PDPR: variants seen among roughly 807,000 people sequenced by gnomAD.
PDPR encodes the protein pyruvate dehydrogenase phosphatase regulatory subunit, mitochondrial.
PDPR carries 50 observed loss-of-function variants against 102.2 expected under a neutral mutation model. The observed-to-expected ratio is 0.49, with a 90% confidence interval of 0.39 to 0.62. The LOEUF is 0.62. Among genes scored for constraint, PDPR ranks in the 20% least tolerant of loss-of-function variants. PDPR has a pLI of 0.00. For synonymous variants in PDPR, 259 were observed against 406.0 expected (o/e 0.64, Z 4.35); for missense variants, 625 against 1,098.2 (o/e 0.57, Z 6.09).
intron 9 of PDPR, among the ~76,000 whole-genome samples, chr16:70,134,791 A>AT (rs961950989): frequency 1.5e-4 from 22 of 147,022 alleles, no homozygotes; most frequent in African/African-American, 5.4e-4. Context: ...ATCTCAAAAA[A>AT]AAAAAAAATA....
rs1474567673 is a variant in PDPR at position 70,157,237 on chromosome 16, G to C, written c.*358G>C. 3.8e-6 allele frequency: 2 copies of C among 521,684 alleles called. No homozygotes were observed. Among genetic ancestry groups the C allele is most frequent in the Non-Finnish European group, 7.4e-6 (2 of 271,612 alleles). The allele number at this position is 521,684 out of a possible 1,614,324, so 32.3% of individuals were successfully genotyped here. A position where few individuals can be genotyped will look rare whatever the true frequency, so the allele number is the denominator to read the frequency against. The stretch of plus-strand genomic sequence containing the variant: ...TGCATCTCAAGGCAGGGCAAGCCGG[G>C]GTGGTGCAGGTCTCAGGGCACGAGT... On this transcript the variant is annotated 3_prime_UTR_variant, in exon 19 of 19. Transcript: ENST00000288050.
At chr16:70,127,716 A>G (rs1330883332) in intron 4 of PDPR, among the ~76,000 whole-genome samples, 1 of 152,286 alleles carries the variant, frequency 6.6e-6, no homozygotes, top group African/African-American at 2.4e-5. Context: ...CATAAGAATT[A>G]AGAGTCATTG....
Position 70,130,476 on chromosome 16 carries a change from C to G in PDPR, c.661C>G (p.Gln221Glu), listed in dbSNP as rs772784234. ...SVLHVMVKKGQVTGVETDKGQ... is the reference protein window; with the variant it reads ...SVLHVMVKKGEVTGVETDKGQ... ...TCTTCATGTAATGGTCAAAAAAGGT[C>G]AAGTTACTGGAGTGGAGACCGATAA... is the stretch of plus-strand genomic sequence containing the variant. The change falls in exon 7 of 19, where the codon CAA (glutamine) becomes GAA (glutamate). Residue 221 changes from glutamine (Q) to glutamate (E), a missense_variant. Physicochemically the swap from Gln to Glu is conservative, Grantham distance 29. Coordinates refer to ENST00000288050, the MANE Select transcript of PDPR (RefSeq NM_017990.5). 1 of 1,613,802 alleles carries G rather than the reference C, an allele frequency of 6.2e-7. No homozygotes were observed. Among genetic ancestry groups the G allele is most frequent in the Non-Finnish European group, 8.5e-7 (1 of 1,179,732 alleles).
intron 3 of PDPR, among the ~76,000 whole-genome samples, chr16:70,124,109 T>C (rs1158452491): frequency 6.6e-6 from 1 of 151,662 alleles, no homozygotes; most frequent in Admixed American, 6.6e-5. Context: ...ATGCCTGTTA[T>C]CCCACGACTT....
At chr16:70,126,796 G>T (rs1190261503) in intron 3 of PDPR, among the ~76,000 whole-genome samples, 1 of 152,260 alleles carries the variant, frequency 6.6e-6, no homozygotes, top group Non-Finnish European at 1.5e-5. Context: ...AAAGTGCTGG[G>T]ATTACAGGCA....
At chr16:70,125,219 A>AT (rs1963799453) in intron 3 of PDPR, among the ~76,000 whole-genome samples, 1 of 152,244 alleles carries the variant, frequency 6.6e-6, no homozygotes, top group Admixed American at 6.5e-5. Context: ...TCTACTAAAA[A>AT]TACAAATTTA....
chr16:70,115,129 T>G (rs1962507890), intron 2 of PDPR, among the ~76,000 whole-genome samples, 199 bp downstream of exon 2: 1 of 152,016 alleles, frequency 6.6e-6, no homozygotes, highest in Non-Finnish European at 1.5e-5. Flanking sequence ...TTTTCTTTTT[T>G]TTTCTTTTTT....
At chr16:70,154,705 C>T (rs975989088) in intron 18 of PDPR, among the ~76,000 whole-genome samples, 4 of 152,212 alleles carry the variant, frequency 2.6e-5, no homozygotes, top group Non-Finnish European at 4.4e-5. Context: ...TGCAGTGGCG[C>T]GATGTTGGCT....
chr16:70,117,233 T>G (rs2869113), intron 2 of PDPR, among the ~76,000 whole-genome samples: 40,957 of 102,464 alleles, frequency 0.4, 15,222 homozygotes, highest in African/African-American at 0.76. Context: ...AAAAATTATT[T>G]GCCGGTCACA....
At chr16:70,135,673 T>C (rs1965054246) in intron 9 of PDPR, among the ~76,000 whole-genome samples, 2 of 152,266 alleles carry the variant, frequency 1.3e-5, no homozygotes, top group Admixed American at 1.3e-4. Flanking sequence ...AACCAATATC[T>C]TTTTTCCTCA....
At position 70,153,426 on chromosome 16, in the gene PDPR, T is replaced by G. The variant is rs1427977637; in HGVS notation, c.2088T>G (p.Val696=). 1 of 1,613,860 alleles carries G rather than the reference T, an allele frequency of 6.2e-7. No individual in the cohort carries two copies. Among genetic ancestry groups the G allele is most frequent in the Non-Finnish European group, 8.5e-7 (1 of 1,179,878 alleles). The change falls in exon 18 of 19, where the codon GTT becomes GTG. Residue 696 remains valine (V), a synonymous_variant. Coordinates refer to ENST00000288050, the MANE Select transcript of PDPR (RefSeq NM_017990.5). ...ALHVYNEVMS[V]GQKYGIRNAG... is the part of the protein sequence containing the mutation. ...ATGTATACAATGAAGTGATGAGTGT[T>G]GGCCAGAAATACGGAATCCGGAATG...
At chr16:70,125,834 A>G (rs1055513216) in intron 3 of PDPR, among the ~76,000 whole-genome samples, 5 of 152,202 alleles carry the variant, frequency 3.3e-5, no homozygotes, top group Admixed American at 2.6e-4. Flanking sequence ...GGGTTTCGCC[A>G]TGTTGGCCAG....
intron 16 of PDPR, among the ~76,000 whole-genome samples, chr16:70,147,356 G>T (rs1232175150): frequency 6.6e-6 from 1 of 152,250 alleles, no homozygotes; most frequent in Non-Finnish European, 1.5e-5. Context: ...TGTAGCACTG[G>T]ATTAAAATTT....
At chr16:70,136,000 C>T (rs1366523947) in intron 9 of PDPR, among the ~76,000 whole-genome samples, 194 bp from the exon 10 acceptor site, 1 of 149,156 alleles carries the variant, frequency 6.7e-6, no homozygotes, top group Non-Finnish European at 1.5e-5. Context: ...ACCTGGGAGG[C>T]AGAGGTTGCA....
chr16:70,145,137 C>T (rs1345557168), intron 15 of PDPR, among the ~76,000 whole-genome samples: 1 of 152,196 alleles, frequency 6.6e-6, no homozygotes, highest in Non-Finnish European at 1.5e-5. Flanking sequence ...CCTGTAGTCC[C>T]AGCTACTCAT....
chr16:70,120,981 G>T (rs1963202562), intron 3 of PDPR, among the ~76,000 whole-genome samples: 1 of 137,760 alleles, frequency 7.3e-6, no homozygotes, highest in Non-Finnish European at 1.5e-5. Flanking sequence ...TGGTAGACAG[G>T]ATCTCGCTTT....
intron 4 of PDPR, among the ~76,000 whole-genome samples, chr16:70,127,775 C>G (rs1252487055): frequency 1.3e-5 from 2 of 152,270 alleles, no homozygotes; most frequent in Admixed American, 6.5e-5. Context: ...GGTTCTATAT[C>G]AGGTGTGTTG....
Position 70,153,298 on chromosome 16 carries a change from A to G in PDPR, c.2053-93A>G, listed in dbSNP as rs1365053503. 70 of 1,323,302 alleles carry G rather than the reference A, an allele frequency of 5.3e-5. 1 individual carries two copies. The South Asian group carries it at 9.1e-4, about 17-fold the overall frequency. The allele number at this position is 1,323,302 out of a possible 1,614,324, so 82.0% of individuals were successfully genotyped here. On this transcript the variant is annotated intron_variant, in intron 17 of 18. Transcript: ENST00000288050. Reference sequence around the variant, plus strand: ...GTTTTATACGCCTCCTCTCTTGTCCATGTTAATAGTGTGAGCCATCAGCGC... The same window carrying G: ...GTTTTATACGCCTCCTCTCTTGTCCGTGTTAATAGTGTGAGCCATCAGCGC...
chr16:70,128,028 T>A (rs1395153370), intron 4 of PDPR, among the ~76,000 whole-genome samples: 1 of 152,244 alleles, frequency 6.6e-6, no homozygotes, highest in Non-Finnish European at 1.5e-5. Context: ...AGGGTCTGAT[T>A]GGATAAGCTT....
Sources: gnomAD v4.1 joint callset for allele counts (sites outside exome capture counted in the v4.1 genomes callset) on GRCh38, gnomAD v4.1.1 for gene constraint, MANE v1.5 for transcripts, NCBI Gene and HGNC (gene_info 2026-07-23, HGNC 2026-07-21) for gene names.